Variants in MAP7D2 observed in about 807,000 individuals in gnomAD.
MAP7D2 encodes MAP7 domain-containing protein 2.
MAP7D2 carries 33 observed loss-of-function variants against 63.5 expected under a neutral mutation model. That is an observed-to-expected ratio of 0.52 (90% CI 0.39 to 0.70). The LOEUF (loss-of-function observed/expected upper bound fraction) is 0.70. MAP7D2 is among the 30% of genes least tolerant of loss of function. MAP7D2 has a pLI of 0.00. For missense variants in MAP7D2, 626 were observed against 604.0 expected, an observed-to-expected ratio of 1.04 and a Z score of -0.38; for synonymous variants, 224 against 223.7, an observed-to-expected ratio of 1.00 and a Z score of -0.01.
chrX:20,016,707 G>A (rs1325382549), intron 10 of MAP7D2, among the ~76,000 whole-genome samples: 1 of 111,880 alleles, frequency 8.9e-6, no homozygotes, highest in East Asian at 2.8e-4. Context: ...ACCAATGAAA[G>A]CTAGGAAAAA....
chrX:20,054,288 A>C (rs760210898), intron 4 of MAP7D2, among the ~76,000 whole-genome samples: 2 of 112,695 alleles, frequency 1.8e-5, no homozygotes, highest in Non-Finnish European at 1.9e-5. Flanking sequence ...TGATAAAACT[A>C]AACATTAGAA....
intron 8 of MAP7D2, among the ~76,000 whole-genome samples, chrX:20,032,976 C>CA (rs1323249193): frequency 8.9e-6 from 1 of 112,136 alleles, no homozygotes; most frequent in African/African-American, 3.2e-5. Context: ...TCTGGTTTGA[C>CA]AGACTCAGCT....
intron 1 of MAP7D2, among the ~76,000 whole-genome samples, chrX:20,094,578 GTA>G (rs1158827180): frequency 1.3e-4 from 4 of 30,805 alleles, no homozygotes; most frequent in Non-Finnish European, 2.0e-4. Context: ...ACATATATAT[GTA>G]TATATATATA....
intron 10 of MAP7D2, among the ~76,000 whole-genome samples, chrX:20,023,467 G>A (rs1340122528): frequency 1.8e-5 from 2 of 112,597 alleles, no homozygotes; most frequent in East Asian, 2.8e-4. Context: ...GCAAGGGCAA[G>A]CTTGACAAGG....
chrX:20,107,014 G>C lies in MAP7D2; in HGVS notation c.130+9736C>G, dbSNP rs764295728. On this transcript the variant is annotated intron_variant, in intron 1 of 16. Coordinates refer to ENST00000379643, the MANE Select transcript of MAP7D2 (RefSeq NM_001168465.2). ...AAAAAAAAAAAAAGGACTACACACAGAGCTGATGAACTTTGGAGGTTTAGT... is the reference window on the plus strand; with the variant it reads ...AAAAAAAAAAAAAGGACTACACACACAGCTGATGAACTTTGGAGGTTTAGT... 2.7e-5 allele frequency among the ~76,000 whole-genome samples: 3 copies of C among 110,288 alleles called. No homozygotes were observed. In the South Asian group the frequency reaches 1.2e-3, roughly 43 times the overall value.
intron 1 of MAP7D2, among the ~76,000 whole-genome samples, chrX:20,082,907 C>T (rs1201305996): frequency 8.9e-6 from 1 of 112,158 alleles, no homozygotes; most frequent in African/African-American, 3.2e-5. Flanking sequence ...GGATTACAGG[C>T]GTGAGCCACT....
intron 4 of MAP7D2, chrX:20,055,843 A>C (rs2065058257): frequency 1.1e-6 from 1 of 910,826 alleles, no homozygotes; most frequent in Non-Finnish European, 1.4e-6. Context: ...CTACACAGCA[A>C]AAAATCAGAG....
chrX:20,019,848 T>C (rs2073573478), intron 10 of MAP7D2, among the ~76,000 whole-genome samples: 1 of 111,500 alleles, frequency 9.0e-6, no homozygotes, highest in Non-Finnish European at 1.9e-5. Flanking sequence ...AGAGATGGCA[T>C]GGAGGTCACT....
chrX:20,068,521 C>T (rs1358832161), intron 1 of MAP7D2, among the ~76,000 whole-genome samples: 2 of 112,379 alleles, frequency 1.8e-5, no homozygotes, highest in South Asian at 3.7e-4. Flanking sequence ...CTCCAGCTTC[C>T]ACCTTCTGAC....
intron 8 of MAP7D2, among the ~76,000 whole-genome samples, chrX:20,035,926 ATGTGTGTGTGTGTGTG>A (rs59706024): frequency 5.1e-5 from 5 of 98,395 alleles, no homozygotes; most frequent in Non-Finnish European, 1.0e-4. Context: ...AAAAATATAT[ATGTGTGTGTGTGTGTG>A]TGTGTGTGTG....
At chrX:20,033,979 C>T (rs776900451) in intron 8 of MAP7D2, among the ~76,000 whole-genome samples, 2 of 111,087 alleles carry the variant, frequency 1.8e-5, no homozygotes, top group Admixed American at 9.6e-5. Flanking sequence ...AATCACAGCA[C>T]TTTGGGAGGC....
At chrX:20,052,425 C>CTGGGA in intron 5 of MAP7D2, 2 of 292,445 alleles carry the variant, frequency 6.8e-6, no homozygotes, top group Non-Finnish European at 1.3e-5. Flanking sequence ...AATGGGCAGG[C>CTGGGA]CTATAAACCA....
intron 6 of MAP7D2, among the ~76,000 whole-genome samples, chrX:20,046,509 A>C (rs182973514): frequency 8.9e-6 from 1 of 112,531 alleles, no homozygotes; most frequent in African/African-American, 3.2e-5. Context: ...GAGTAGCTGC[A>C]GTTTGTAATA....
At chrX:20,094,516 GTATATATA>G (rs1208747143) in intron 1 of MAP7D2, among the ~76,000 whole-genome samples, 10 of 11,884 alleles carry the variant, frequency 8.4e-4, no homozygotes, top group Non-Finnish European at 8.0e-4. Context: ...ATATATATAT[GTATATATA>G]TATATATATA....
In MAP7D2 at chrX:20,052,967, G is replaced by A. The variant is rs2064987924; in HGVS notation, c.506C>T (p.Ser169Leu). 8.3e-7 allele frequency: 1 copy of A among 1,205,293 alleles called. No homozygotes were observed. The highest frequency in any genetic ancestry group is 3.0e-5 in the East Asian group (1 of 33,798). The part of the protein sequence containing the change: ...GHDACDKLST[S>L]TMSLPKPTEP... ...CGTTGGCTTTGGCAAACTCATAGTTGATGTTGAAAGTTTGTCACATGCTGC... is the reference window on the plus strand; with the variant it reads ...CGTTGGCTTTGGCAAACTCATAGTTAATGTTGAAAGTTTGTCACATGCTGC... Residue 169 changes from serine (S) to leucine (L), a missense_variant, in exon 5 of 17, where the codon TCA becomes TTA. Coordinates refer to ENST00000379643, the MANE Select transcript of MAP7D2 (RefSeq NM_001168465.2).
chrX:20,097,549 G>C (rs2066304818), intron 1 of MAP7D2, among the ~76,000 whole-genome samples: 1 of 112,387 alleles, frequency 8.9e-6, no homozygotes, highest in Non-Finnish European at 1.9e-5. Context: ...TATAGGAAGA[G>C]AAAAATGAAC....
intron 1 of MAP7D2, among the ~76,000 whole-genome samples, chrX:20,097,161 T>C (rs1018453369): frequency 5.3e-5 from 6 of 112,384 alleles, no homozygotes; most frequent in African/African-American, 1.9e-4. Context: ...TGTGGCTTAG[T>C]GCAATCAAGA....
chrX:20,081,144 C>G (rs779674902), intron 1 of MAP7D2, among the ~76,000 whole-genome samples: 1 of 112,011 alleles, frequency 8.9e-6, no homozygotes, highest in Non-Finnish European at 1.9e-5. Context: ...AAACTGTGGA[C>G]AGAACCCAGC....
intron 10 of MAP7D2, among the ~76,000 whole-genome samples, chrX:20,018,461 G>A (rs1366668164): frequency 2.0e-4 from 6 of 30,357 alleles, no homozygotes; most frequent in Non-Finnish European, 3.0e-4. Flanking sequence ...TTTTTTTTTT[G>A]AGATGGAGTC....
Sources: allele counts gnomAD v4.1 joint callset (sites outside exome capture counted in the v4.1 genomes callset), GRCh38; gene constraint gnomAD v4.1.1; transcripts MANE v1.5; gene names NCBI Gene and HGNC (gene_info 2026-07-23, HGNC 2026-07-21).